Variants in GREB1 observed in about 807,000 individuals in gnomAD.
GREB1 encodes protein GREB1.
A neutral mutation model predicts 200.7 loss-of-function variants in GREB1; 106 were observed. The ratio of observed to expected loss-of-function variants is 0.53; its 90% CI spans 0.45 to 0.62. The LOEUF is 0.62. Ranked by LOEUF, GREB1 falls within the 20% of genes least tolerant of loss-of-function variation. The probability of loss-of-function intolerance (pLI) is 0.00; values close to 1 mark genes in which losing one functional copy is unlikely to be tolerated. For missense variants in GREB1, 2,243 were observed against 2,556.8 expected (o/e 0.88, Z 2.65); for synonymous variants, 1,132 against 1,092.4 (o/e 1.04, Z -0.72).
intron 10 of GREB1, chr2:11,591,418 C>T (rs1226753842): frequency 1.2e-5 from 9 of 729,568 alleles, no homozygotes; most frequent in African/African-American, 5.2e-5. Flanking sequence ...GAAATCCGGA[C>T]GTATAAACCA....
At chr2:11,639,180 C>T (rs1685620290) in intron 32 of GREB1, among the ~76,000 whole-genome samples, 1 of 152,218 alleles carries the variant, frequency 6.6e-6, no homozygotes, top group East Asian at 1.9e-4. Flanking sequence ...ACTTCTGCCT[C>T]CTGGGTTCAA....
At chr2:11,485,838 A>G (rs763977287) in intron 1 of GREB1, among the ~76,000 whole-genome samples, 18 of 152,252 alleles carry the variant, frequency 1.2e-4, no homozygotes, top group Non-Finnish European at 2.1e-4. Flanking sequence ...TAGAGATTCC[A>G]GAGTGTTCTG....
At chr2:11,543,921 G>A (rs755838433) in intron 1 of GREB1, among the ~76,000 whole-genome samples, 21 of 152,148 alleles carry the variant, frequency 1.4e-4, no homozygotes, top group Admixed American at 9.8e-4. Flanking sequence ...GAGGAGTTGG[G>A]TCTGAAGGGT....
At position 11,618,413 on chromosome 2, in the gene GREB1, CG is replaced by C; in HGVS notation, c.3541del (p.Ala1181GlnfsTer69). Reference sequence around the variant, plus strand: ...AGCCCCTGGTGAGAAACAGAGGCCCCGGGCAAGTCAGGGGCCACCCTCGGCC... The same window carrying C: ...AGCCCCTGGTGAGAAACAGAGGCCCCGGCAAGTCAGGGGCCACCCTCGGCC... ...GRAPGEKQRP[R>X]ASQGPPSAIS... On this transcript the variant is annotated frameshift_variant, in exon 22 of 33. Coordinates refer to ENST00000381486, the MANE Select transcript of GREB1 (RefSeq NM_014668.4). LOFTEE classifies it high-confidence loss of function. 1 of 1,609,576 alleles carries C rather than the reference CG, an allele frequency of 6.2e-7. No individual in the cohort carries two copies. The highest frequency in any genetic ancestry group is 8.5e-7 in the Non-Finnish European group (1 of 1,178,550).
At chr2:11,621,898 T>A (rs1256204945) in intron 23 of GREB1, among the ~76,000 whole-genome samples, 1 of 152,216 alleles carries the variant, frequency 6.6e-6, no homozygotes, top group African/African-American at 2.4e-5. Context: ...ACATTTCAGA[T>A]GAAGTCTGCA....
At chr2:11,566,707 A>G in intron 4 of GREB1, 51 bp downstream of exon 4, 1 of 1,498,186 alleles carries the variant, frequency 6.7e-7, no homozygotes, top group Non-Finnish European at 9.0e-7. Flanking sequence ...GGGGTAGAGC[A>G]GGGTCAAGGG....
At chr2:11,628,996 G>A (rs1158917657) in intron 25 of GREB1, among the ~76,000 whole-genome samples, 1 of 152,190 alleles carries the variant, frequency 6.6e-6, no homozygotes, top group Non-Finnish European at 1.5e-5. Context: ...CTCTTCCTTT[G>A]CCTCCCAAGG....
chr2:11,525,065 A>C (rs933902037), intron 1 of GREB1, among the ~76,000 whole-genome samples: 1 of 152,180 alleles, frequency 6.6e-6, no homozygotes, highest in Admixed American at 6.5e-5. Flanking sequence ...TTGCTGTTCC[A>C]TGGGAAGAAC....
intron 3 of GREB1, among the ~76,000 whole-genome samples, chr2:11,565,626 G>A (rs1419342297): frequency 1.3e-5 from 2 of 152,184 alleles, no homozygotes; most frequent in Non-Finnish European, 2.9e-5. Context: ...CCAGATGTTT[G>A]TAGAAATGTA....
rs528643861 is a variant in GREB1 at position 11,604,037 on chromosome 2, C to T, written c.2666+1495C>T. On this transcript the variant is annotated intron_variant, in intron 17 of 32. Coordinates refer to ENST00000381486, the MANE Select transcript of GREB1 (RefSeq NM_014668.4). ...CCACGTAGCCACCAAGCCACATTGA[C>T]CAAAGTCTCACAGCTAGTAAAGGGT... Among the ~76,000 whole-genome samples, 18 of 152,322 alleles carry T rather than the reference C, an allele frequency of 1.2e-4. No homozygotes were observed. In the East Asian group the frequency reaches 3.5e-3, roughly 29 times the overall value.
chr2:11,489,606 C>T (rs368026396), intron 1 of GREB1, among the ~76,000 whole-genome samples: 5 of 152,038 alleles, frequency 3.3e-5, no homozygotes, highest in South Asian at 2.1e-4. Flanking sequence ...TCTTAGACTC[C>T]GGCAGAGAAC....
In GREB1 at chr2:11,580,920, C is replaced by T. The variant is rs1176229060; in HGVS notation, c.901+88C>T. The T allele has an allele frequency of 9.2e-6, 14 of 1,522,038 alleles. No homozygotes were observed. Among genetic ancestry groups the T allele is most frequent in the East Asian group, 6.9e-5 (3 of 43,348 alleles). The allele number at this position is 1,522,038 out of a possible 1,614,324, so 94.3% of individuals were successfully genotyped here. A position where few individuals can be genotyped will look rare whatever the true frequency, so the allele number is the denominator to read the frequency against. On this transcript the variant is annotated intron_variant, in intron 7 of 32. Coordinates refer to ENST00000381486, the MANE Select transcript of GREB1 (RefSeq NM_014668.4). This position sits in a 1 kb window ranked among gnomAD's most constrained non-coding sequence, Gnocchi z 4.5. ...GGCATGGGAGCTGCTGGGCTGGGGC[C>T]GCTGAGCCTCCTGGAGTCTGATGTG...
Position 11,590,215 on chromosome 2 carries a change from C to T in GREB1, c.1345+1284C>T, listed in dbSNP as rs148038254. Among the ~76,000 whole-genome samples, 13 of 152,238 alleles carry T rather than the reference C, an allele frequency of 8.5e-5. No homozygotes were observed. The East Asian group carries it at 1.7e-3, about 20-fold the overall frequency. On this transcript the variant is annotated intron_variant, in intron 10 of 32. Coordinates refer to ENST00000381486, the MANE Select transcript of GREB1 (RefSeq NM_014668.4). ...GTCCCCACCTGTCCATCAGTAAGCA[C>T]GGCTTCATCCTGAATCCAGCCTCGC...
chr2:11,500,074 CG>C (rs1672987755), intron 1 of GREB1, among the ~76,000 whole-genome samples: 1 of 151,916 alleles, frequency 6.6e-6, no homozygotes, highest in African/African-American at 2.4e-5. Flanking sequence ...CTCTGCCTCC[CG>C]GGTTCGAGCA....
At chr2:11,624,470 G>A (rs1558655059) in intron 23 of GREB1, among the ~76,000 whole-genome samples, 2 of 150,478 alleles carry the variant, frequency 1.3e-5, no homozygotes, top group African/African-American at 2.5e-5. Context: ...TCAGCCTCCC[G>A]AGTAGCTGGG....
intron 23 of GREB1, among the ~76,000 whole-genome samples, chr2:11,622,766 G>A (rs929768711): frequency 1.3e-5 from 2 of 152,242 alleles, no homozygotes; most frequent in Non-Finnish European, 2.9e-5. Context: ...TTGGCCACCA[G>A]TGTGGTCACC....
At chr2:11,519,749 C>G (rs889855664) in intron 1 of GREB1, among the ~76,000 whole-genome samples, 1 of 152,080 alleles carries the variant, frequency 6.6e-6, no homozygotes, top group Non-Finnish European at 1.5e-5. Context: ...AACCACTGTG[C>G]CCAGCCTGAT....
chr2:11,550,590 T>G (rs1253394365), intron 1 of GREB1, among the ~76,000 whole-genome samples: 2 of 152,220 alleles, frequency 1.3e-5, no homozygotes, highest in Non-Finnish European at 2.9e-5. Flanking sequence ...ACTTTTCACC[T>G]TGTTGCCTGG....
At chr2:11,630,432 C>T (rs958746300) in intron 26 of GREB1, among the ~76,000 whole-genome samples, 17 of 152,184 alleles carry the variant, frequency 1.1e-4, no homozygotes, top group South Asian at 2.1e-4. Context: ...CCCTATCTTC[C>T]GTGCCCGGAA....
Sources: allele counts gnomAD v4.1 joint callset (sites outside exome capture counted in the v4.1 genomes callset), GRCh38; gene constraint gnomAD v4.1.1; non-coding constraint Gnocchi (gnomAD v3.1); transcripts MANE v1.5; gene names NCBI Gene and HGNC (gene_info 2026-07-23, HGNC 2026-07-21).